The following PSME4 variants were observed in gnomAD, a reference collection of about 807,000 sequenced individuals.
PSME4 encodes the protein proteasome activator subunit 4, also known as proteasome activator complex subunit 4.
Under a neutral mutation model 253.9 loss-of-function variants are expected in PSME4, and 89 were observed. The observed-to-expected ratio is 0.35, with a 90% CI of 0.30 to 0.42. PSME4 has a LOEUF of 0.42. PSME4 is among the 10% of genes least tolerant of loss of function. The pLI is 1.00. For synonymous variants in PSME4, 851 were observed against 759.2 expected, an observed-to-expected ratio of 1.12 and a Z score of -1.99; for missense variants, 2,014 against 2,195.2, an observed-to-expected ratio of 0.92 and a Z score of 1.65.
intron 20 of PSME4, among the ~76,000 whole-genome samples, chr2:53,918,505 C>T (rs1668158054): frequency 6.6e-6 from 1 of 152,076 alleles, no homozygotes; most frequent in South Asian, 2.1e-4. Flanking sequence ...CCACGTCCAG[C>T]TCATTTTTGT....
intron 1 of PSME4, among the ~76,000 whole-genome samples, chr2:53,956,819 C>G (rs1294253435): frequency 3.3e-5 from 5 of 151,984 alleles, no homozygotes; most frequent in African/African-American, 7.2e-5. Context: ...TGTTTAAAAT[C>G]AGATAATCAA....
At chr2:53,937,248 A>G in intron 5 of PSME4, 143 bp downstream of exon 5, 1 of 770,944 alleles carries the variant, frequency 1.3e-6, no homozygotes, top group Non-Finnish European at 2.0e-6. Flanking sequence ...TTTAGCCTTA[A>G]CACACTTCAA....
In PSME4 at chr2:53,895,656, G is replaced by C. The variant is rs1680106033; in HGVS notation, c.3769C>G (p.Pro1257Ala). The C allele has an allele frequency of 6.2e-7, 1 of 1,613,364 alleles. No homozygotes were observed. Among genetic ancestry groups the C allele is most frequent in the South Asian group, 1.1e-5 (1 of 90,992 alleles). ...HWLHYDSKTI[P>A]RTKKEWESSC... ...GACTCCCATTCTTTTTTAGTTCTTG[G>C]TATAGTTTTGCTGTCATAATGCAAC... is the stretch of plus-strand genomic sequence containing the variant. The change falls in exon 33 of 47, where the codon CCA (proline) becomes GCA (alanine). Residue 1257 changes from proline (P) to alanine (A), a missense_variant. Physicochemically the swap from Pro to Ala is conservative, Grantham distance 27. This residue lies in a region of PSME4 where 989 missense variants were observed against 1,021.1 expected (regional missense o/e 0.97). Transcript: ENST00000404125.
At chr2:53,870,500 A>C (rs1396413748) in intron 43 of PSME4, 1 of 150,930 alleles carries the variant, frequency 6.6e-6, no homozygotes, top group East Asian at 1.9e-4. Flanking sequence ...CATCCTCCCA[A>C]GTAGCTGGGA....
At chr2:53,960,659 C>T (rs1445063635) in intron 1 of PSME4, among the ~76,000 whole-genome samples, 4 of 152,200 alleles carry the variant, frequency 2.6e-5, no homozygotes, top group African/African-American at 4.8e-5. Context: ...GTCATTTAAT[C>T]TCCATAAAAT....
At chr2:53,955,854 G>C (rs1038770084) in intron 1 of PSME4, among the ~76,000 whole-genome samples, 2 of 152,112 alleles carry the variant, frequency 1.3e-5, no homozygotes, top group Non-Finnish European at 2.9e-5. Context: ...CCTGGGAAGC[G>C]AAGGTTGCAA....
At chr2:53,893,540 T>A in intron 35 of PSME4, 134 bp downstream of exon 35, 1 of 1,496,900 alleles carries the variant, frequency 6.7e-7, no homozygotes, top group Non-Finnish European at 8.9e-7. Flanking sequence ...AGTCTGTACA[T>A]GTTCAGTGTA....
chr2:53,937,142 GTTA>G (rs927018464), intron 5 of PSME4, among the ~76,000 whole-genome samples: 25 of 151,910 alleles, frequency 1.6e-4, no homozygotes, highest in African/African-American at 6.0e-4. Context: ...CTGTTTTCCT[GTTA>G]TTACCCCTTC....
At chr2:53,917,176 G>C (rs1420175097) in intron 20 of PSME4, 1 of 153,238 alleles carries the variant, frequency 6.5e-6, no homozygotes, top group Non-Finnish European at 1.5e-5. Context: ...CTCTAAATGT[G>C]CAAGTGCTAA....
chr2:53,900,768 C>A (rs927049550), intron 28 of PSME4, among the ~76,000 whole-genome samples: 2 of 152,030 alleles, frequency 1.3e-5, no homozygotes, highest in Non-Finnish European at 1.5e-5. Context: ...GGTTTTTAAA[C>A]CAGGGGAGAG....
rs1680321074 is a variant in PSME4 at position 53,900,005 on chromosome 2, A to G, written c.3298T>C (p.Cys1100Arg). Residue 1100 changes from cysteine to arginine, a missense_variant, in exon 29 of 47, where the codon TGT (cysteine) becomes CGT (arginine). Cys to Arg is a radical substitution (Grantham distance 180). Transcript: ENST00000404125. ...TGAAGTAATTCCGCTATTTCAACAC[A>G]TGACTTTGGAATCTTGTTAAAAAGA... is the stretch of plus-strand genomic sequence containing the variant. ...IGLDFTIPKSCVEIAELLQQS... is the reference protein window; with the variant it reads ...IGLDFTIPKSRVEIAELLQQS... 9 of 1,613,058 alleles carry G rather than the reference A, an allele frequency of 5.6e-6. No homozygotes were observed. The highest frequency in any genetic ancestry group is 7.6e-6 in the Non-Finnish European group (9 of 1,179,594).
intron 10 of PSME4, among the ~76,000 whole-genome samples, chr2:53,930,598 A>T (rs192901088): frequency 1.3e-3 from 201 of 152,352 alleles, no homozygotes; most frequent in African/African-American, 4.5e-3. Flanking sequence ...GGGAAAATGA[A>T]GTACGGCCTA....
chr2:53,918,744 A>C (rs774063170), intron 20 of PSME4, among the ~76,000 whole-genome samples: 41 of 152,208 alleles, frequency 2.7e-4, no homozygotes, highest in Non-Finnish European at 5.1e-4. Context: ...CCAATTCAAA[A>C]TCATAATGAA....
intron 1 of PSME4, among the ~76,000 whole-genome samples, chr2:53,954,265 T>C (rs1308377757): frequency 6.6e-6 from 1 of 151,306 alleles, no homozygotes; most frequent in East Asian, 2.0e-4. Flanking sequence ...GAGGCAGAGG[T>C]TGCAGTGAGC....
intron 12 of PSME4, 137 bp from the exon 13 acceptor site, chr2:53,926,160 C>T: frequency 1.6e-6 from 1 of 621,250 alleles, no homozygotes; most frequent in East Asian, 2.8e-5. Flanking sequence ...CAGCACCATG[C>T]TAGACTTCAT....
intron 15 of PSME4, 27 bp from the exon 16 acceptor site, chr2:53,923,145 C>G (rs1558687383): frequency 6.4e-7 from 1 of 1,574,340 alleles, no homozygotes; most frequent in South Asian, 1.2e-5. Context: ...ATAAGTAAGG[C>G]TTTTTTGAAA....
chr2:53,913,657 T>C (rs1168536540), intron 20 of PSME4, among the ~76,000 whole-genome samples: 1 of 152,100 alleles, frequency 6.6e-6, no homozygotes, highest in African/African-American at 2.4e-5. Context: ...TCCAATTCAA[T>C]CCTAGGTAGC....
intron 29 of PSME4, among the ~76,000 whole-genome samples, chr2:53,899,509 T>A (rs561532010): frequency 2.0e-5 from 3 of 152,158 alleles, no homozygotes; most frequent in South Asian, 2.1e-4. Context: ...TACATCTATA[T>A]TTTAGAGATG....
At position 53,936,087 on chromosome 2, in the gene PSME4, C is replaced by G; in HGVS notation, c.834G>C (p.Lys278Asn). The G allele has an allele frequency of 6.2e-7, 1 of 1,611,364 alleles. No individual in the cohort carries two copies. The highest frequency in any genetic ancestry group is 8.5e-7 in the Non-Finnish European group (1 of 1,178,664). ...GYIDWDPYVP[K>N]IFTRILRSLN... ...TTTTTTTCCCCAAAATGTTAATTAC[C>G]TTTGGTACATATGGATCCCAATCTA... Residue 278 changes from lysine (K) to asparagine (N), a missense_variant and splice_region_variant, in exon 7 of 47, where the codon AAG becomes AAC. By Grantham distance (94) the Lys-to-Asn change is moderately conservative (BLOSUM62 0). Coordinates refer to ENST00000404125, the MANE Select transcript of PSME4 (RefSeq NM_014614.3).
Sources: allele counts gnomAD v4.1 joint callset (sites outside exome capture counted in the v4.1 genomes callset), GRCh38; gene constraint gnomAD v4.1.1; regional missense constraint gnomAD v4.1.1; transcripts MANE v1.5; gene names NCBI Gene and HGNC (gene_info 2026-07-23, HGNC 2026-07-21).